Variants in USP37 observed in about 807,000 individuals in gnomAD.
USP37 encodes ubiquitin carboxyl-terminal hydrolase 37.
In USP37, 27 loss-of-function variants were observed where a neutral mutation model predicts 124.0. The ratio of observed to expected loss-of-function variants is 0.22; its 90% CI spans 0.16 to 0.30. The LOEUF (loss-of-function observed/expected upper bound fraction) is 0.30, where lower values mean the gene tolerates loss of function less well. Ranked by LOEUF, USP37 falls within the 10% of genes least tolerant of loss-of-function variation. The pLI, the probability that USP37 is intolerant of heterozygous loss-of-function variation, is 1.00. For synonymous variants in USP37, 365 were observed against 388.0 expected, an observed-to-expected ratio of 0.94 and a Z score of 0.70; for missense variants, 889 against 1,140.4, an observed-to-expected ratio of 0.78 and a Z score of 3.17.
chr2:218,501,290 T>A (rs1689372547), intron 11 of USP37, among the ~76,000 whole-genome samples: 1 of 152,082 alleles, frequency 6.6e-6, no homozygotes, highest in Non-Finnish European at 1.5e-5. Context: ...TCTGCCTGCC[T>A]TGACCTCCCA....
rs187253470 is a variant in USP37 at position 218,505,084 on chromosome 2, G to C, written c.1025+4895C>G. Reference sequence around the variant, plus strand: ...AACTAGAGTGCAGTGGTGTGACCACGGTTCACCGTGGCCTCGACCTCCCAG... The same window carrying C: ...AACTAGAGTGCAGTGGTGTGACCACCGTTCACCGTGGCCTCGACCTCCCAG... On this transcript the variant is annotated intron_variant, in intron 11 of 25. Transcript: ENST00000258399. Among the ~76,000 whole-genome samples the C allele has an allele frequency of 5.3e-5, 8 of 152,126 alleles. No individual in the cohort carries two copies. The South Asian group carries it at 1.5e-3, about 28-fold the overall frequency.
chr2:218,518,006 A>C (rs1457184062), intron 10 of USP37, among the ~76,000 whole-genome samples: 1 of 152,082 alleles, frequency 6.6e-6, no homozygotes, highest in Non-Finnish European at 1.5e-5. Context: ...CTCAGGCTGA[A>C]GTGCAGTGAC....
intron 10 of USP37, among the ~76,000 whole-genome samples, chr2:218,521,418 T>C (rs1309841520): frequency 2.0e-5 from 3 of 152,170 alleles, no homozygotes; most frequent in African/African-American, 7.2e-5. Context: ...ATTTGCTGCA[T>C]CTATCAACCC....
intron 25 of USP37, 141 bp from the exon 26 acceptor site, chr2:218,455,158 A>T: frequency 9.5e-7 from 1 of 1,053,226 alleles, no homozygotes; most frequent in Non-Finnish European, 1.4e-6. Flanking sequence ...TTTAAAAAGC[A>T]GCTCACTCAT....
At chr2:218,517,745 T>C (rs1261944712) in intron 10 of USP37, among the ~76,000 whole-genome samples, 1 of 152,236 alleles carries the variant, frequency 6.6e-6, no homozygotes, top group Non-Finnish European at 1.5e-5. Context: ...TTCTAAAGTC[T>C]GATTTTATCA....
chr2:218,454,032 A>G lies in USP37; in HGVS notation c.*898T>C, dbSNP rs1574826262. On this transcript the variant is annotated 3_prime_UTR_variant, in exon 26 of 26. Coordinates refer to ENST00000258399, the MANE Select transcript of USP37 (RefSeq NM_020935.3). ...AGAAATATTATCTTTCTACTTGTTTAAAGTTTTGGTTGCAATCCATTAGGG... is the reference window on the plus strand; with the variant it reads ...AGAAATATTATCTTTCTACTTGTTTGAAGTTTTGGTTGCAATCCATTAGGG... 1 of 152,442 alleles carries G rather than the reference A, an allele frequency of 6.6e-6. No individual in the cohort carries two copies. The highest frequency in any genetic ancestry group is 2.4e-5 in the African/African-American group (1 of 41,458). 9.4% of individuals were successfully genotyped at this position (152,442 alleles called of 1,614,324 possible). A position where few individuals can be genotyped will look rare whatever the true frequency, so the allele number is the denominator to read the frequency against.
chr2:218,559,276 C>T (rs1693189308), intron 3 of USP37, among the ~76,000 whole-genome samples: 1 of 151,962 alleles, frequency 6.6e-6, no homozygotes, highest in African/African-American at 2.4e-5. Context: ...ACCCACTGCA[C>T]TCCCGCCTGG....
chr2:218,559,494 CT>C (rs1305367060), intron 3 of USP37, among the ~76,000 whole-genome samples: 1 of 152,092 alleles, frequency 6.6e-6, no homozygotes, highest in Non-Finnish European at 1.5e-5. Context: ...GTTATTTGAC[CT>C]CCAGAATTAC....
chr2:218,533,575 G>A (rs1691455904), intron 9 of USP37, among the ~76,000 whole-genome samples: 2 of 152,004 alleles, frequency 1.3e-5, no homozygotes, highest in African/African-American at 4.8e-5. Context: ...TTAACTATAG[G>A]CTGATTATAA....
At chr2:218,488,204 A>G (rs1332108353) in intron 15 of USP37, 100 bp downstream of exon 15, 6 of 722,752 alleles carry the variant, frequency 8.3e-6, no homozygotes, top group South Asian at 7.2e-5. Flanking sequence ...AAAAGAAAAG[A>G]AAAGAAACTT....
chr2:218,460,276 T>C (rs964705470), intron 22 of USP37, among the ~76,000 whole-genome samples: 20 of 151,336 alleles, frequency 1.3e-4, no homozygotes, highest in African/African-American at 3.6e-4. Flanking sequence ...AAAAAAGTTC[T>C]TGGAATAGAC....
chr2:218,558,297 T>C lies in USP37; in HGVS notation c.156+201A>G, dbSNP rs548351169. On this transcript the variant is annotated intron_variant, in intron 4 of 25. Coordinates refer to ENST00000258399, the MANE Select transcript of USP37 (RefSeq NM_020935.3). ...TTTTCTTTTCAATAATGGTGACTAC[T>C]TCCTGCTTTTATTATATACCAACAA... Among the ~76,000 whole-genome samples the C allele has an allele frequency of 8.5e-5, 13 of 152,360 alleles. No individual in the cohort carries two copies. In the East Asian group the frequency reaches 2.5e-3, roughly 29 times the overall value.
At chr2:218,528,982 C>A (rs931578116) in intron 10 of USP37, among the ~76,000 whole-genome samples, 1 of 151,986 alleles carries the variant, frequency 6.6e-6, no homozygotes, top group Non-Finnish European at 1.5e-5. Context: ...ACAAATACAA[C>A]AGCAACAAAA....
At chr2:218,493,126 A>G (rs1688884385) in intron 14 of USP37, among the ~76,000 whole-genome samples, 1 of 152,184 alleles carries the variant, frequency 6.6e-6, no homozygotes, top group South Asian at 2.1e-4. Context: ...AAAAAAGTAC[A>G]TTTGCCAAAC....
chr2:218,502,382 T>C (rs1423706011), intron 11 of USP37, among the ~76,000 whole-genome samples: 1 of 152,012 alleles, frequency 6.6e-6, no homozygotes, highest in African/African-American at 2.4e-5. Flanking sequence ...GAAGGAAATA[T>C]CTGAACTTGA....
Position 218,498,029 on chromosome 2 carries a change from A to G in USP37, c.1154T>C (p.Ile385Thr), listed in dbSNP as rs372523651. 2.5e-6 allele frequency: 4 copies of G among 1,604,486 alleles called. No individual in the cohort carries two copies. The highest frequency in any genetic ancestry group is 3.4e-6 in the Non-Finnish European group (4 of 1,176,818). ...PWKKIPLNAL[I>T]RRFAHLLVKK... is the part of the protein sequence containing the mutation. ...AAGTACAGTACATAATGATTACCTG[A>G]TAAGTGCATTGAGTGGAATTTTCTT... is the stretch of plus-strand genomic sequence containing the variant. The change falls in exon 12 of 26, where the codon ATC (isoleucine) becomes ACC (threonine). Residue 385 changes from isoleucine to threonine, a missense_variant. This residue lies in a region of USP37 where 504 missense variants were observed against 714.3 expected (regional missense o/e 0.71). Coordinates refer to ENST00000258399, the MANE Select transcript of USP37 (RefSeq NM_020935.3).
chr2:218,516,778 A>ACC lies in USP37; in HGVS notation c.864-6640_864-6639dup, dbSNP rs563081672. On this transcript the variant is annotated intron_variant, in intron 10 of 25. Coordinates refer to ENST00000258399, the MANE Select transcript of USP37 (RefSeq NM_020935.3). The stretch of plus-strand genomic sequence containing the variant: ...TACTTGGGTGCAATTGCTTCAAGGT[A>ACC]CCCCCCCTAGTGGACTGAGCTAGGA... 3.2e-3 allele frequency among the ~76,000 whole-genome samples: 481 copies of ACC among 151,454 alleles called. 1 individual carries two copies. The highest frequency in any genetic ancestry group is 0.011 in the African/African-American group (463 of 41,196).
chr2:218,488,949 A>G (rs1691751693), intron 14 of USP37, among the ~76,000 whole-genome samples: 1 of 152,076 alleles, frequency 6.6e-6, no homozygotes, highest in Admixed American at 6.6e-5. Context: ...TTTAAACTTT[A>G]TATAAGCAAC....
Position 218,516,496 on chromosome 2 carries a change from CACATGGACACATGG to C in USP37, c.864-6370_864-6357del, listed in dbSNP as rs1266586759. ...ATAAGTAGCAGTTGAGCAATGAGAACACATGGACACATGGAGGGGAACATCACACATGGGGGCCT... is the reference window on the plus strand; with the variant it reads ...ATAAGTAGCAGTTGAGCAATGAGAACAGGGGAACATCACACATGGGGGCCT... On this transcript the variant is annotated intron_variant, in intron 10 of 25. Transcript: ENST00000258399. Among the ~76,000 whole-genome samples the C allele has an allele frequency of 5.3e-5, 8 of 150,884 alleles. No individual in the cohort carries two copies. In the East Asian group the frequency reaches 1.4e-3, roughly 26 times the overall value.
Sources: gnomAD v4.1 joint callset for allele counts (sites outside exome capture counted in the v4.1 genomes callset) on GRCh38, gnomAD v4.1.1 for gene constraint, gnomAD v4.1.1 regional missense constraint, MANE v1.5 for transcripts, NCBI Gene and HGNC (gene_info 2026-07-23, HGNC 2026-07-21) for gene names.